Variants in ADCY3 observed in about 807,000 individuals in gnomAD.
ADCY3 encodes the protein adenylate cyclase 3.
ADCY3 carries 70 observed loss-of-function variants against 119.4 expected under a neutral mutation model. That is an observed-to-expected ratio of 0.59 (90% confidence interval 0.48 to 0.72). The LOEUF is 0.72. Among genes scored for constraint, ADCY3 ranks in the 30% least tolerant of loss-of-function variants. The pLI is 0.00. For synonymous variants in ADCY3, 672 were observed against 621.4 expected (o/e 1.08, Z -1.21); for missense variants, 1,238 against 1,541.6 (o/e 0.80, Z 3.30).
rs1343647226 is a variant in ADCY3 at position 24,825,795 on chromosome 2, C to A, written c.2577+250G>T. The A allele has an allele frequency of 1.5e-5, 8 of 539,358 alleles. No homozygotes were observed. The Admixed American group carries it at 2.6e-4, about 17-fold the overall frequency. The allele number at this position is 539,358 out of a possible 1,614,324, so 33.4% of individuals were successfully genotyped here. On this transcript the variant is annotated intron_variant, in intron 16 of 21. Transcript: ENST00000679454. ...GTTTGTGCCTTCACTCTATCCCCTC[C>A]CACCTTCACTCCCATGCTTCCTTCA...
chr2:24,902,579 T>C (rs1208169404), intron 2 of ADCY3, among the ~76,000 whole-genome samples: 1 of 151,888 alleles, frequency 6.6e-6, no homozygotes, highest in Non-Finnish European at 1.5e-5. Context: ...AACAACAGGG[T>C]TTGAACCGCA....
intron 3 of ADCY3, among the ~76,000 whole-genome samples, chr2:24,862,876 TC>T (rs773637190): frequency 6.6e-5 from 10 of 152,138 alleles, no homozygotes; most frequent in Non-Finnish European, 1.3e-4. Flanking sequence ...TATCCAACAA[TC>T]ATATGATGGT....
At chr2:24,895,927 C>G (rs1678216350) in intron 2 of ADCY3, among the ~76,000 whole-genome samples, 1 of 152,174 alleles carries the variant, frequency 6.6e-6, no homozygotes, top group African/African-American at 2.4e-5. Context: ...ACTGTCTAAT[C>G]TACTATTAAT....
chr2:24,865,791 T>C (rs1232506482), intron 3 of ADCY3, among the ~76,000 whole-genome samples: 1 of 151,954 alleles, frequency 6.6e-6, no homozygotes, highest in East Asian at 1.9e-4. Flanking sequence ...TTAAAGGCAA[T>C]GGAAACAACC....
chr2:24,884,658 G>A (rs564198777), intron 2 of ADCY3, among the ~76,000 whole-genome samples: 8 of 151,842 alleles, frequency 5.3e-5, no homozygotes, highest in Non-Finnish European at 7.4e-5. Context: ...TGTATTTTTA[G>A]TAGAGACAGG....
intron 2 of ADCY3, among the ~76,000 whole-genome samples, chr2:24,913,702 A>AAG (rs1315593053): frequency 6.6e-6 from 1 of 152,040 alleles, no homozygotes; most frequent in Non-Finnish European, 1.5e-5. Context: ...CACCCTCCCT[A>AAG]CGGCAGCTCC....
chr2:24,826,747 GTA>G (rs10577242), intron 15 of ADCY3: 83,585 of 151,540 alleles, frequency 0.55, 24,125 homozygotes, highest in Admixed American at 0.7. Flanking sequence ...TAAGATGTGT[GTA>G]TATATATATA....
intron 11 of ADCY3, among the ~76,000 whole-genome samples, chr2:24,832,711 C>T (rs752076307): frequency 1.7e-4 from 26 of 152,192 alleles, no homozygotes; most frequent in Non-Finnish European, 3.4e-4. Context: ...TCTCGTGTTG[C>T]AGCACAGCCT....
intron 2 of ADCY3, among the ~76,000 whole-genome samples, chr2:24,894,307 ACT>A (rs1678012605): frequency 1.3e-5 from 2 of 152,060 alleles, no homozygotes; most frequent in Admixed American, 1.3e-4. Flanking sequence ...ACGTGGTGAG[ACT>A]CTATTTCTAC....
At chr2:24,850,265 T>C (rs1484422476) in intron 3 of ADCY3, among the ~76,000 whole-genome samples, 4 of 152,148 alleles carry the variant, frequency 2.6e-5, no homozygotes, top group Non-Finnish European at 4.4e-5. Flanking sequence ...CTTTCCTGGA[T>C]CCTGGCCCCT....
chr2:24,820,339 TCTCTC>T (rs1667409402), intron 21 of ADCY3: 1 of 1,330,132 alleles, frequency 7.5e-7, no homozygotes, highest in East Asian at 3.0e-5. Context: ...TCCAGAGACT[TCTCTC>T]CTAGGATGGC....
chr2:24,878,143 C>T lies in ADCY3; in HGVS notation c.676-5424G>A. On this transcript the variant is annotated intron_variant, in intron 2 of 21. Coordinates refer to ENST00000679454, the MANE Select transcript of ADCY3 (RefSeq NM_004036.5). This position sits in a 1 kb window ranked among gnomAD's most constrained non-coding sequence, Gnocchi z 4.0. ...AATTGTTCTGCTTTTTTAAAATATA[C>T]AACATTTTTAGAATAATAAAATGCA... 3.8e-6 allele frequency: 1 copy of T among 266,342 alleles called. No homozygotes were observed. The highest frequency in any genetic ancestry group is 9.2e-5 in the East Asian group (1 of 10,890). 16.5% of individuals were successfully genotyped at this position (266,342 alleles called of 1,614,324 possible).
intron 2 of ADCY3, among the ~76,000 whole-genome samples, chr2:24,893,213 T>A (rs940964990): frequency 6.6e-5 from 10 of 152,112 alleles, no homozygotes; most frequent in Non-Finnish European, 1.0e-4. Context: ...TTTAAAAAAA[T>A]TTTTTGTAGA....
In ADCY3 at chr2:24,819,896, C is replaced by T. The variant is rs1387367195; in HGVS notation, c.*36G>A. The T allele has an allele frequency of 2.5e-6, 4 of 1,600,972 alleles. No individual in the cohort carries two copies. Among genetic ancestry groups the T allele is most frequent in the Non-Finnish European group, 3.4e-6 (4 of 1,173,402 alleles). ...CCTTCAGTTTCAAAAAATAAATTCT[C>T]CCTTCCGGTTTGGACTGTTGCAGGC... On this transcript the variant is annotated 3_prime_UTR_variant, in exon 22 of 22. Coordinates refer to ENST00000679454, the MANE Select transcript of ADCY3 (RefSeq NM_004036.5).
intron 2 of ADCY3, among the ~76,000 whole-genome samples, chr2:24,915,674 G>A (rs2149082302): frequency 6.6e-6 from 1 of 152,256 alleles, no homozygotes. Context: ...CTGTGTAGCT[G>A]GGATTATAAG....
At position 24,842,764 on chromosome 2, in the gene ADCY3, G is replaced by A. The variant is rs1166889121; in HGVS notation, c.826-380C>T. ...GTCACCTCAGCCACCCGCCACGGCTGCACAGAGCCATCGCTCACAAAATTC... is the reference window on the plus strand; with the variant it reads ...GTCACCTCAGCCACCCGCCACGGCTACACAGAGCCATCGCTCACAAAATTC... On this transcript the variant is annotated intron_variant, in intron 3 of 21. Transcript: ENST00000679454. The surrounding 1 kb of genome is among the most constrained non-coding windows in gnomAD (Gnocchi z 4.9). 2.6e-5 allele frequency among the ~76,000 whole-genome samples: 4 copies of A among 152,218 alleles called. No individual in the cohort carries two copies. Among genetic ancestry groups the A allele is most frequent in the East Asian group, 1.9e-4 (1 of 5,194 alleles).
chr2:24,847,303 G>A (rs984339798), intron 3 of ADCY3, among the ~76,000 whole-genome samples: 4 of 152,068 alleles, frequency 2.6e-5, no homozygotes, highest in Admixed American at 1.3e-4. Context: ...CCATGATTCC[G>A]AGGCCTCCCC....
chr2:24,826,916 G>GTACA (rs1290243347), intron 15 of ADCY3, among the ~76,000 whole-genome samples: 1 of 152,180 alleles, frequency 6.6e-6, no homozygotes, highest in East Asian at 1.9e-4. Context: ...TATTGTACTT[G>GTACA]ATATTGTCAG....
At chr2:24,846,485 C>A (rs1671660270) in intron 3 of ADCY3, among the ~76,000 whole-genome samples, 1 of 152,316 alleles carries the variant, frequency 6.6e-6, no homozygotes, top group Middle Eastern at 3.4e-3. Flanking sequence ...GGCCTGTAAC[C>A]CCTTTGTTCT....
Sources: gnomAD v4.1 joint callset for allele counts (sites outside exome capture counted in the v4.1 genomes callset) on GRCh38, gnomAD v4.1.1 for gene constraint, Gnocchi (gnomAD v3.1) non-coding constraint, MANE v1.5 for transcripts, NCBI Gene and HGNC (gene_info 2026-07-23, HGNC 2026-07-21) for gene names.